The following MYH1 variants were observed in gnomAD, a reference collection of about 807,000 sequenced individuals.
MYH1 encodes the protein myosin heavy chain 1.
A neutral mutation model predicts 225.6 loss-of-function variants in MYH1; 214 were observed. The observed-to-expected ratio is 0.95, with a 90% CI of 0.85 to 1.06. MYH1 has a LOEUF of 1.06. Among genes scored for constraint, MYH1 ranks in the 50% least tolerant of loss-of-function variants. MYH1 has a pLI of 0.00. For missense variants in MYH1, 2,098 were observed against 2,344.2 expected, an observed-to-expected ratio of 0.89 and a Z score of 2.17; for synonymous variants, 774 against 842.3, an observed-to-expected ratio of 0.92 and a Z score of 1.40.
At position 10,498,923 on chromosome 17, in the gene MYH1, G is replaced by A. The variant is rs200824001; in HGVS notation, c.3984+51C>T. 539 of 1,601,550 alleles carry A rather than the reference G, an allele frequency of 3.4e-4. 6 individuals carry two copies. Among genetic ancestry groups the A allele is most frequent in the Middle Eastern group, 5.0e-4 (3 of 6,014 alleles). Reference sequence around the variant, plus strand: ...CAGAAGAAAGTCTGTAAAAGTAAGCGAAAAACAAATAACAAGAACAATAAT... The same window carrying A: ...CAGAAGAAAGTCTGTAAAAGTAAGCAAAAAACAAATAACAAGAACAATAAT... On this transcript the variant is annotated intron_variant, in intron 29 of 39. Transcript: ENST00000226207.
intron 4 of MYH1, 27 bp downstream of exon 4, chr17:10,516,172 A>C (rs200921927): frequency 6.2e-7 from 1 of 1,613,964 alleles, no homozygotes; most frequent in East Asian, 2.2e-5. Context: ...TACTCTCATG[A>C]GTAGAAGACC....
At chr17:10,517,824 A>G (rs1030763644) in intron 2 of MYH1, among the ~76,000 whole-genome samples, 1 of 152,182 alleles carries the variant, frequency 6.6e-6, no homozygotes, top group African/African-American at 2.4e-5. Context: ...TATTTATCCA[A>G]TTAGACATCA....
intron 19 of MYH1, 76 bp downstream of exon 19, chr17:10,505,736 A>G (rs1385624431): frequency 1.9e-6 from 3 of 1,576,414 alleles, no homozygotes; most frequent in Middle Eastern, 1.7e-4. Flanking sequence ...GAGGAGGTAT[A>G]AAGGATTCTT....
chr17:10,512,847 G>C lies in MYH1; in HGVS notation c.904+20C>G. ...AAGATAGTACAGTGACAATCTTCTA[G>C]CTATGAATTTATTTCTTACCAATTA... On this transcript the variant is annotated intron_variant, in intron 10 of 39. Transcript: ENST00000226207. 1 of 1,603,248 alleles carries C rather than the reference G, an allele frequency of 6.2e-7. No individual in the cohort carries two copies.
intron 12 of MYH1, 23 bp from the exon 13 acceptor site, chr17:10,512,215 C>T (rs1476490908): frequency 6.2e-7 from 1 of 1,604,550 alleles, no homozygotes. Context: ...AATTCAGATA[C>T]CTAATATGAC....
At chr17:10,505,605 T>A in intron 19 of MYH1, 94 bp from the exon 20 acceptor site, 1 of 1,475,314 alleles carries the variant, frequency 6.8e-7, no homozygotes, top group Non-Finnish European at 9.2e-7. Flanking sequence ...CTGGGTAATC[T>A]GAAATAAACA....
rs773209280 is a variant in MYH1 at position 10,512,973 on chromosome 17, G to A, written c.806-8C>T. 5.2e-5 allele frequency: 83 copies of A among 1,586,380 alleles called. No homozygotes were observed. In the Middle Eastern group the frequency reaches 7.3e-4, roughly 14 times the overall value. ...TAGACTTCTCCAGAAGATCTGCAAC[G>A]GATAGTAGACATCAGATTATGGGGA... On this transcript the variant is annotated splice_polypyrimidine_tract_variant and splice_region_variant and intron_variant, in intron 9 of 39. Coordinates refer to ENST00000226207, the MANE Select transcript of MYH1 (RefSeq NM_005963.4).
chr17:10,504,928 T>A lies in MYH1; in HGVS notation c.2573A>T (p.Glu858Val). The A allele has an allele frequency of 6.2e-7, 1 of 1,614,200 alleles. No homozygotes were observed. Among genetic ancestry groups the A allele is most frequent in the African/African-American group, 1.3e-5 (1 of 75,042 alleles). Residue 858 changes from glutamate (E) to valine (V), a missense_variant, in exon 22 of 40, where the codon GAA (glutamate) becomes GTA (valine). Physicochemically the swap from Glu to Val is moderately radical, Grantham distance 121. Coordinates refer to ENST00000226207, the MANE Select transcript of MYH1 (RefSeq NM_005963.4). ...CTCTTCTTTGGTTTTCTCAAATTCT[T>A]CCTTCATGTTGGCCATCTCCTTCTC... is the stretch of plus-strand genomic sequence containing the variant. Reference protein sequence around the residue: ...ETEKEMANMKEEFEKTKEELA... With the variant: ...ETEKEMANMKVEFEKTKEELA...
At position 10,505,805 on chromosome 17, in the gene MYH1, G is replaced by A. The variant is rs746987102; in HGVS notation, c.2174+7C>T. 4 of 1,613,700 alleles carry A rather than the reference G, an allele frequency of 2.5e-6. No homozygotes were observed. Among genetic ancestry groups the A allele is most frequent in the African/African-American group, 1.3e-5 (1 of 74,856 alleles). ...TCTTAAAATAATTTACAGCAAAAAT[G>A]TCTGACCTCTGTTTGAAGTCTGCAT... On this transcript the variant is annotated splice_region_variant and intron_variant, in intron 19 of 39. Transcript: ENST00000226207.
chr17:10,511,822 T>C lies in MYH1; in HGVS notation c.1416+17A>G. The C allele has an allele frequency of 6.2e-7, 1 of 1,614,022 alleles. No individual in the cohort carries two copies. The highest frequency in any genetic ancestry group is 8.5e-7 in the Non-Finnish European group (1 of 1,179,936). ...CTTGTTGGAAACTTTTTTGGTACAA[T>C]TTTTCTGCTAACTCACATCAAAGAT... On this transcript the variant is annotated intron_variant, in intron 14 of 39. Coordinates refer to ENST00000226207, the MANE Select transcript of MYH1 (RefSeq NM_005963.4).
chr17:10,501,244 C>G lies in MYH1; in HGVS notation c.3604G>C (p.Asp1202His). ...TAATLRKKHA[D>H]SVAELGEQID... ...TGCTCCCCAAGCTCGGCCACACTATCTGCATGCTTCTTCCTCAGGGTGGCC... is the reference window on the plus strand; with the variant it reads ...TGCTCCCCAAGCTCGGCCACACTATGTGCATGCTTCTTCCTCAGGGTGGCC... The change falls in exon 27 of 40, where the codon GAT becomes CAT. Residue 1202 changes from aspartate to histidine, a missense_variant. Coordinates refer to ENST00000226207, the MANE Select transcript of MYH1 (RefSeq NM_005963.4). The G allele has an allele frequency of 1.2e-6, 2 of 1,614,228 alleles. No homozygotes were observed.
At chr17:10,497,655 G>T in intron 31 of MYH1, 79 bp downstream of exon 31, 1 of 1,577,986 alleles carries the variant, frequency 6.3e-7, no homozygotes, top group Non-Finnish European at 8.7e-7. Context: ...CCCTCAGATG[G>T]TTTGAATTGG....
In MYH1 at chr17:10,497,078, C is replaced by T. The variant is rs376217197; in HGVS notation, c.4647G>A (p.Glu1549=). Residue 1549 remains glutamate, a synonymous_variant, in exon 33 of 40, where the codon GAG becomes GAA. Transcript: ENST00000226207. Reference sequence around the variant, plus strand: ...GCAATAAAATGCTTACCTCTGCCTCCTCTAAGGCAGCCTGAAGTTCAGACT... The same window carrying T: ...GCAATAAAATGCTTACCTCTGCCTCTTCTAAGGCAGCCTGAAGTTCAGACT... ...QEKSELQAAL[E]EAEASLEHEE... 4.3e-6 allele frequency: 7 copies of T among 1,613,870 alleles called. No homozygotes were observed. Among genetic ancestry groups the T allele is most frequent in the Non-Finnish European group, 5.1e-6 (6 of 1,179,992 alleles).
At chr17:10,508,829 A>G (rs1003143215) in intron 15 of MYH1, among the ~76,000 whole-genome samples, 157 bp from the exon 16 acceptor site, 1 of 152,176 alleles carries the variant, frequency 6.6e-6, no homozygotes, top group Non-Finnish European at 1.5e-5. Context: ...TAACTTCACA[A>G]ATATTTATTG....
chr17:10,502,936 C>T lies in MYH1; in HGVS notation c.2935-22G>A, dbSNP rs377467110. On this transcript the variant is annotated intron_variant, in intron 23 of 39. Coordinates refer to ENST00000226207, the MANE Select transcript of MYH1 (RefSeq NM_005963.4). ...TCACCTACAAAGGTGAAGAAAGCAG[C>T]TTAGTTGCTCTAAAGCACCTTTGTT... 71 of 1,614,042 alleles carry T rather than the reference C, an allele frequency of 4.4e-5. 1 individual carries two copies. The highest frequency in any genetic ancestry group is 3.6e-4 in the African/African-American group (27 of 75,028).
intron 22 of MYH1, among the ~76,000 whole-genome samples, chr17:10,504,477 A>G (rs1009623930): frequency 5.9e-5 from 9 of 152,228 alleles, no homozygotes; most frequent in African/African-American, 2.2e-4. Flanking sequence ...CTTCACTGAC[A>G]ATATTTTTCT....
rs2072943486 is a variant in MYH1, at chr17:10,492,439, T to C, written c.5797A>G (p.Thr1933Ala). ...AATTACTCTTCACTTATGATTTTTG[T>C]GTGAACCTCCCTGCTCTTCACCCTC... The part of the protein sequence containing the change: ...KLRVKSREVH[T>A]KIISEE Residue 1933 changes from threonine (T) to alanine (A), a missense_variant, in exon 40 of 40, where the codon ACA (threonine) becomes GCA (alanine). Physicochemically the swap from Thr to Ala is moderately conservative, Grantham distance 58. Coordinates refer to ENST00000226207, the MANE Select transcript of MYH1 (RefSeq NM_005963.4). The C allele has an allele frequency of 1.2e-6, 2 of 1,614,004 alleles. No individual in the cohort carries two copies. The highest frequency in any genetic ancestry group is 2.2e-5 in the South Asian group (2 of 91,016).
intron 2 of MYH1, 94 bp from the exon 3 acceptor site, chr17:10,516,776 G>T: frequency 9.2e-7 from 1 of 1,090,964 alleles, no homozygotes; most frequent in South Asian, 1.6e-5. Flanking sequence ...GACCAATTGA[G>T]TGCTTAGCAT....
chr17:10,500,538 C>T (rs2073041636), intron 28 of MYH1, 88 bp downstream of exon 28: 3 of 1,582,924 alleles, frequency 1.9e-6, no homozygotes, highest in Non-Finnish European at 1.7e-6. Context: ...TAGTATATGA[C>T]CTCAAGTAAA....
Sources: gnomAD v4.1 joint callset for allele counts (sites outside exome capture counted in the v4.1 genomes callset) on GRCh38, gnomAD v4.1.1 for gene constraint, MANE v1.5 for transcripts, NCBI Gene and HGNC (gene_info 2026-07-23, HGNC 2026-07-21) for gene names.